PLEKHG1: variants seen among roughly 807,000 people sequenced by gnomAD.
PLEKHG1 encodes the protein pleckstrin homology and RhoGEF domain containing G1, also known as pleckstrin homology domain-containing family G member 1.
A neutral mutation model predicts 100.8 loss-of-function variants in PLEKHG1; 44 were observed. The ratio of observed to expected loss-of-function variants is 0.44; its 90% CI spans 0.34 to 0.56. The LOEUF (loss-of-function observed/expected upper bound fraction) is 0.56, where lower values mean the gene tolerates loss of function less well. Among genes scored for constraint, PLEKHG1 ranks in the 20% least tolerant of loss-of-function variants. The pLI is 0.01. For synonymous variants in PLEKHG1, 640 were observed against 662.5 expected (o/e 0.97, Z 0.52); for missense variants, 1,545 against 1,720.9 (o/e 0.90, Z 1.81).
upstream of PLEKHG1, among the ~76,000 whole-genome samples, chr6:150,718,062 G>A (rs546142958): frequency 1.4e-4 from 21 of 152,314 alleles, no homozygotes; most frequent in South Asian, 4.4e-3. Context: ...GGGTGACAGA[G>A]CGAGATTCTG....
rs34140367 is a variant in PLEKHG1 at position 150,724,558 on chromosome 6, CT to C, written c.-99+3377del. On this transcript the variant is annotated intron_variant, in intron 1 of 15. Transcript: ENST00000358517. ...TTTCTTTCTTTTCTTTTTTCTTTTTCTTTTTTTTTTTTTTTTTTTGAGATGG... is the reference window on the plus strand; with the variant it reads ...TTTCTTTCTTTTCTTTTTTCTTTTTCTTTTTTTTTTTTTTTTTTGAGATGG... Among the ~76,000 whole-genome samples the C allele has an allele frequency of 9.3e-3, 931 of 100,268 alleles. 7 individuals carry two copies. Among genetic ancestry groups the C allele is most frequent in the African/African-American group, 0.026 (680 of 25,874 alleles). 65.8% of individuals were successfully genotyped at this position (100,268 alleles called of 152,430 possible).
chr6:150,665,019 G>C (rs1018847846), intron 3 of PLEKHG1, among the ~76,000 whole-genome samples: 2 of 152,258 alleles, frequency 1.3e-5, no homozygotes, highest in East Asian at 3.9e-4. Context: ...AGGACAGCTG[G>C]GTAGAGATAG....
chr6:150,791,146 G>C (rs1365224014), intron 4 of PLEKHG1, among the ~76,000 whole-genome samples: 2 of 152,206 alleles, frequency 1.3e-5, no homozygotes, highest in African/African-American at 4.8e-5. Flanking sequence ...TTGGGAACTC[G>C]TTAGAAATGC....
chr6:150,738,880 T>C (rs917554032), intron 2 of PLEKHG1, among the ~76,000 whole-genome samples: 3 of 152,248 alleles, frequency 2.0e-5, no homozygotes, highest in Non-Finnish European at 4.4e-5. Context: ...AATGAGATGA[T>C]AAATATGAAA....
At chr6:150,707,832 A>T (rs1781085770) in intron 3 of PLEKHG1, among the ~76,000 whole-genome samples, 1 of 152,160 alleles carries the variant, frequency 6.6e-6, no homozygotes, top group Admixed American at 6.5e-5. Context: ...AAGTCACTTT[A>T]AAAGATCAGA....
chr6:150,830,747 C>A (rs745740178), exon 15 of PLEKHG1: 1 of 1,614,002 alleles, frequency 6.2e-7, no homozygotes, highest in South Asian at 1.1e-5. Flanking sequence ...GTTTCCCAGC[C>A]GACGGTCCCC....
At chr6:150,716,402 G>C (rs1781446922), upstream of PLEKHG1, among the ~76,000 whole-genome samples, 1 of 152,168 alleles carries the variant, frequency 6.6e-6, no homozygotes, top group Admixed American at 6.5e-5. Flanking sequence ...GAAAGTCTAA[G>C]ATTATTTTCT....
At chr6:150,604,613 C>T (rs1248497324) in intron 1 of PLEKHG1, among the ~76,000 whole-genome samples, 1 of 152,202 alleles carries the variant, frequency 6.6e-6, no homozygotes, top group Non-Finnish European at 1.5e-5. Flanking sequence ...GTTTCATTGG[C>T]TCTATCTATG....
intron 7 of PLEKHG1, among the ~76,000 whole-genome samples, chr6:150,808,472 G>A (rs1057459115): frequency 4.6e-5 from 7 of 151,888 alleles, no homozygotes; most frequent in Non-Finnish European, 2.9e-5. Flanking sequence ...GGAAGGGGCC[G>A]GGTGCGGTGG....
In PLEKHG1 at chr6:150,626,514, C is replaced by T. The variant is rs141163526; in HGVS notation, c.-203-11566C>T. 2.4e-3 allele frequency among the ~76,000 whole-genome samples: 368 copies of T among 152,292 alleles called. 4 individuals carry two copies. The highest frequency in any genetic ancestry group is 8.3e-3 in the African/African-American group (345 of 41,558). On this transcript the variant is annotated intron_variant, in intron 1 of 3. Coordinates refer to the PLEKHG1 transcript ENST00000367326. Reference sequence around the variant, plus strand: ...CTCTGTCTCTGTTTACTGCCGGGCTCTCCGGAGTGAAGGGTAAATCTCCGG... The same window carrying T: ...CTCTGTCTCTGTTTACTGCCGGGCTTTCCGGAGTGAAGGGTAAATCTCCGG...
intron 7 of PLEKHG1, among the ~76,000 whole-genome samples, chr6:150,806,223 CTTTTTTTTTTTT>C (rs58040509): frequency 3.3e-5 from 3 of 89,764 alleles, no homozygotes; most frequent in Non-Finnish European, 4.3e-5. Context: ...TTCCAGGCTG[CTTTTTTTTTTTT>C]TTTTTTTTTT....
At position 150,736,535 on chromosome 6, in the gene PLEKHG1, G is replaced by A. The variant is rs146822369; in HGVS notation, c.411+2443G>A. On this transcript the variant is annotated intron_variant, in intron 2 of 15. Coordinates refer to ENST00000358517, the Ensembl canonical transcript of PLEKHG1. ...TGTAATCCCAGCACTTTGGGAGGCC[G>A]AGGCGGGCGGATCACCTGAGGTCGG... Among the ~76,000 whole-genome samples the A allele has an allele frequency of 6.1e-3, 931 of 152,290 alleles. 11 individuals are homozygous for A. The highest frequency in any genetic ancestry group is 0.021 in the African/African-American group (867 of 41,570).
chr6:150,793,147 A>G (rs1366372082), intron 4 of PLEKHG1, among the ~76,000 whole-genome samples: 1 of 152,128 alleles, frequency 6.6e-6, no homozygotes, highest in Non-Finnish European at 1.5e-5. Flanking sequence ...TTATCCATGT[A>G]ATCTCCTACA....
upstream of PLEKHG1, among the ~76,000 whole-genome samples, chr6:150,718,468 A>G (rs937916647): frequency 7.8e-6 from 1 of 128,386 alleles, no homozygotes; most frequent in Non-Finnish European, 1.7e-5. Flanking sequence ...TCTTCCCTTT[A>G]CTTTTTTTTT....
intron 3 of PLEKHG1, among the ~76,000 whole-genome samples, chr6:150,692,021 C>G (rs1412224008): frequency 6.6e-6 from 1 of 152,242 alleles, no homozygotes; most frequent in Non-Finnish European, 1.5e-5. Flanking sequence ...CTTTGTTAGG[C>G]CTGGGAGCAG....
chr6:150,821,541 A>G (rs1391439332), intron 13 of PLEKHG1, among the ~76,000 whole-genome samples: 1 of 151,940 alleles, frequency 6.6e-6, no homozygotes, highest in Non-Finnish European at 1.5e-5. Flanking sequence ...AAAATTAGCC[A>G]GTCCCAGTGG....
chr6:150,752,370 A>G (rs1012199118), intron 2 of PLEKHG1, among the ~76,000 whole-genome samples: 2 of 152,276 alleles, frequency 1.3e-5, no homozygotes, highest in Non-Finnish European at 1.5e-5. Context: ...TTGCCCAACT[A>G]TGGCCACTGT....
chr6:150,734,683 G>C (rs566849590), intron 2 of PLEKHG1, among the ~76,000 whole-genome samples: 41 of 152,286 alleles, frequency 2.7e-4, no homozygotes, highest in Non-Finnish European at 4.3e-4. Flanking sequence ...AGGATTGAAA[G>C]GTAGAGAAAA....
At chr6:150,613,570 C>T (rs1046800873) in intron 1 of PLEKHG1, among the ~76,000 whole-genome samples, 1 of 152,208 alleles carries the variant, frequency 6.6e-6, no homozygotes. Flanking sequence ...AGCCTAAGTG[C>T]TGTGGGTGCG....
Sources: allele counts gnomAD v4.1 joint callset (sites outside exome capture counted in the v4.1 genomes callset), GRCh38; gene constraint gnomAD v4.1.1; transcripts MANE v1.5; gene names NCBI Gene and HGNC (gene_info 2026-07-23, HGNC 2026-07-21).